CCDC7: variants seen among roughly 807,000 people sequenced by gnomAD.
CCDC7 encodes the protein coiled-coil domain containing 7, also known as coiled-coil domain-containing protein 7.
CCDC7 carries 183 observed loss-of-function variants against 196.9 expected under a neutral mutation model. The ratio of observed to expected loss-of-function variants is 0.93; its 90% CI spans 0.82 to 1.05. The LOEUF (loss-of-function observed/expected upper bound fraction) is 1.05, where lower values mean the gene tolerates loss of function less well. Among genes scored for constraint, CCDC7 ranks in the 50% least tolerant of loss-of-function variants. The probability of loss-of-function intolerance (pLI) is 0.00; values close to 1 mark genes in which losing one functional copy is unlikely to be tolerated. For synonymous variants in CCDC7, 525 were observed against 484.6 expected, an observed-to-expected ratio of 1.08 and a Z score of -1.10; for missense variants, 1,540 against 1,482.2, an observed-to-expected ratio of 1.04 and a Z score of -0.64.
At chr10:32,525,321 TCTG>T (rs2048499906) in intron 11 of CCDC7, among the ~76,000 whole-genome samples, 1 of 152,224 alleles carries the variant, frequency 6.6e-6, no homozygotes, top group Non-Finnish European at 1.5e-5. Flanking sequence ...CTTGATCAAT[TCTG>T]CTATTAAGAG....
At position 32,512,997 on chromosome 10, in the gene CCDC7, A is replaced by G. The variant is rs2046455169; in HGVS notation, c.873-4948A>G. The G allele has an allele frequency of 2.0e-5, 3 of 152,150 alleles. No individual in the cohort carries two copies. The South Asian group carries it at 6.2e-4, about 31-fold the overall frequency. The allele number at this position is 152,150 out of a possible 1,614,324, so 9.4% of individuals were successfully genotyped here. On this transcript the variant is annotated intron_variant, in intron 9 of 41. Transcript: ENST00000639629. ...ATATAATAGAAATTTCCCCCTTTCGAGGACAATTTAGCACAGTTTAGTAAT... is the reference window on the plus strand; with the variant it reads ...ATATAATAGAAATTTCCCCCTTTCGGGGACAATTTAGCACAGTTTAGTAAT...
Position 32,664,048 on chromosome 10 carries a change from G to T in CCDC7, c.2015-6G>T, listed in dbSNP as rs1455102158. 1 of 395,750 alleles carries T rather than the reference G, an allele frequency of 2.5e-6. No individual in the cohort carries two copies. The highest frequency in any genetic ancestry group is 6.4e-4 in the Middle Eastern group (1 of 1,558). 24.5% of individuals were successfully genotyped at this position (395,750 alleles called of 1,614,324 possible). A position where few individuals can be genotyped will look rare whatever the true frequency, so the allele number is the denominator to read the frequency against. The stretch of plus-strand genomic sequence containing the variant: ...TTTAGTGCACTAAATTTATTAATTT[G>T]TGTAGCTCATAATGATGTACCAGAA... On this transcript the variant is annotated splice_region_variant and splice_polypyrimidine_tract_variant and intron_variant, in intron 20 of 41. Coordinates refer to ENST00000639629, the Ensembl canonical transcript of CCDC7.
chr10:32,464,979 AT>A (rs1319411925), intron 5 of CCDC7, among the ~76,000 whole-genome samples: 1 of 152,180 alleles, frequency 6.6e-6, no homozygotes, highest in African/African-American at 2.4e-5. Context: ...TTTTAAAAAA[AT>A]TATTTTGTAT....
intron 6 of CCDC7, 46 bp from the exon 8 acceptor site, chr10:32,472,435 A>G: frequency 8.0e-6 from 12 of 1,493,132 alleles, no homozygotes; most frequent in Non-Finnish European, 6.3e-6. Context: ...TTAAACTCTT[A>G]CTCTTTGATA....
At chr10:32,457,307 T>G (rs1386481892) in intron 3 of CCDC7, among the ~76,000 whole-genome samples, 1 of 152,222 alleles carries the variant, frequency 6.6e-6, no homozygotes, top group African/African-American at 2.4e-5. Flanking sequence ...CTTTCCATGT[T>G]GCTGTGAATG....
chr10:32,679,790 AT>A (rs2075586402), intron 21 of CCDC7, among the ~76,000 whole-genome samples: 1 of 152,150 alleles, frequency 6.6e-6, no homozygotes, highest in African/African-American at 2.4e-5. Context: ...GTAGTGAGAC[AT>A]TTTCTATGTT....
intron 23 of CCDC7, among the ~76,000 whole-genome samples, chr10:32,693,688 T>C (rs1279468448): frequency 6.6e-6 from 1 of 152,184 alleles, no homozygotes; most frequent in African/African-American, 2.4e-5. Flanking sequence ...GCCAGGCACA[T>C]GGTCTGGAGT....
At chr10:32,563,380 T>C (rs921494146) in intron 13 of CCDC7, among the ~76,000 whole-genome samples, 5 of 152,186 alleles carry the variant, frequency 3.3e-5, no homozygotes, top group Admixed American at 6.5e-5. Flanking sequence ...GGAGGCATCA[T>C]GCTACGTGAC....
chr10:32,599,967 A>G (rs1236048297), intron 18 of CCDC7, among the ~76,000 whole-genome samples: 1 of 152,050 alleles, frequency 6.6e-6, no homozygotes, highest in African/African-American at 2.4e-5. Flanking sequence ...TTAGATATTT[A>G]GCTTTATTAC....
chr10:32,612,328 A>G (rs1017711549), intron 18 of CCDC7, among the ~76,000 whole-genome samples: 12 of 145,666 alleles, frequency 8.2e-5, no homozygotes, highest in African/African-American at 2.3e-4. Context: ...GGCTGAGACA[A>G]TGGGGTTTTC....
intron 41 of CCDC7, among the ~76,000 whole-genome samples, chr10:32,856,749 G>A (rs553950516): frequency 2.0e-5 from 3 of 152,084 alleles, no homozygotes; most frequent in South Asian, 2.1e-4. Context: ...TGCTCATTGG[G>A]GCCTAAACCT....
At chr10:32,664,240 A>G in intron 21 of CCDC7, 79 bp downstream of exon 22, 1 of 379,138 alleles carries the variant, frequency 2.6e-6, no homozygotes. Flanking sequence ...ATATACATTC[A>G]TCATGTACTA....
chr10:32,525,533 C>T (rs1160415574), intron 11 of CCDC7, among the ~76,000 whole-genome samples: 3 of 152,132 alleles, frequency 2.0e-5, no homozygotes, highest in Non-Finnish European at 2.9e-5. Context: ...CTCTGTTTCT[C>T]CAGGATTGGT....
chr10:32,722,807 T>C (rs549202327), intron 25 of CCDC7, among the ~76,000 whole-genome samples: 5 of 152,160 alleles, frequency 3.3e-5, no homozygotes, highest in African/African-American at 1.2e-4. Context: ...CCCATCATAG[T>C]GTTAGGGATT....
intron 24 of CCDC7, among the ~76,000 whole-genome samples, chr10:32,705,294 G>A (rs2079523288): frequency 6.6e-6 from 1 of 152,074 alleles, no homozygotes; most frequent in African/African-American, 2.4e-5. Flanking sequence ...CACCAGGCCT[G>A]CCTTACAAAA....
At chr10:32,597,556 G>A (rs771123644) in intron 18 of CCDC7, among the ~76,000 whole-genome samples, 16 of 152,130 alleles carry the variant, frequency 1.1e-4, no homozygotes, top group Non-Finnish European at 1.8e-4. Context: ...AGCTTTGTTC[G>A]GTTGCTGGTG....
intron 23 of CCDC7, among the ~76,000 whole-genome samples, chr10:32,692,839 T>G (rs1485884308): frequency 1.3e-5 from 2 of 152,114 alleles, no homozygotes; most frequent in Non-Finnish European, 2.9e-5. Context: ...CAGTGTAGAC[T>G]GTGTGAGTGG....
At chr10:32,629,757 T>G (rs987003073) in intron 18 of CCDC7, among the ~76,000 whole-genome samples, 1 of 152,096 alleles carries the variant, frequency 6.6e-6, no homozygotes, top group Non-Finnish European at 1.5e-5. Context: ...TTTATCTGAG[T>G]AGAAATCCAG....
At chr10:32,469,751 A>G (rs1455668618) in intron 5 of CCDC7, among the ~76,000 whole-genome samples, 2 of 152,162 alleles carry the variant, frequency 1.3e-5, no homozygotes, top group African/African-American at 4.8e-5. Context: ...TCTGGGGGTG[A>G]GTACTATAAA....
Sources: allele counts gnomAD v4.1 joint callset (sites outside exome capture counted in the v4.1 genomes callset), GRCh38; gene constraint gnomAD v4.1.1; transcripts MANE v1.5; gene names NCBI Gene and HGNC (gene_info 2026-07-23, HGNC 2026-07-21).